Variants in ZBTB40 observed in about 807,000 individuals in gnomAD.
ZBTB40 encodes the protein zinc finger and BTB domain containing 40.
In ZBTB40, 60 loss-of-function variants were observed where a neutral mutation model predicts 117.5. The observed-to-expected ratio is 0.51, with a 90% CI of 0.41 to 0.63. The LOEUF is 0.63. Among genes scored for constraint, ZBTB40 ranks in the 30% least tolerant of loss-of-function variants. The pLI, the probability that ZBTB40 is intolerant of heterozygous loss-of-function variation, is 0.00. For missense variants in ZBTB40, 1,287 were observed against 1,498.5 expected, an observed-to-expected ratio of 0.86 and a Z score of 2.33; for synonymous variants, 525 against 577.1, an observed-to-expected ratio of 0.91 and a Z score of 1.29.
intron 1 of ZBTB40, among the ~76,000 whole-genome samples, chr1:22,454,255 G>A (rs1004506426): frequency 3.3e-5 from 5 of 152,058 alleles, no homozygotes; most frequent in Non-Finnish European, 5.9e-5. Context: ...GCCCGGCCTC[G>A]AACAAATATT....
At chr1:22,517,646 A>G in intron 13 of ZBTB40, 182 bp downstream of exon 13, 3 of 717,818 alleles carry the variant, frequency 4.2e-6, no homozygotes, top group Admixed American at 6.0e-5. Flanking sequence ...ATTTTAAGGT[A>G]TCTCATATAA....
In ZBTB40 at chr1:22,490,162, G is replaced by A. The variant is rs1480979349; in HGVS notation, c.214G>A (p.Ala72Thr). The A allele has an allele frequency of 1.2e-6, 2 of 1,614,180 alleles. No individual in the cohort carries two copies. The highest frequency in any genetic ancestry group is 1.7e-6 in the Non-Finnish European group (2 of 1,180,028). ...DASVVSPEEF[A>T]LLLEMMYTGK... ...ATCTGTGGTGAGCCCCGAGGAGTTTGCGCTCTTGTTGGAAATGATGTACAC... is the reference window on the plus strand; with the variant it reads ...ATCTGTGGTGAGCCCCGAGGAGTTTACGCTCTTGTTGGAAATGATGTACAC... Residue 72 changes from alanine to threonine, a missense_variant, in exon 2 of 18, where the codon GCG becomes ACG. Around this residue, in one of 2 missense-constraint regions of ZBTB40, gnomAD observed 870 missense variants for 934.4 expected, o/e 0.93. Coordinates refer to ENST00000375647, the MANE Select transcript of ZBTB40 (RefSeq NM_014870.4).
At chr1:22,465,126 C>T (rs1416819282) in intron 1 of ZBTB40, among the ~76,000 whole-genome samples, 1 of 152,186 alleles carries the variant, frequency 6.6e-6, no homozygotes, top group African/African-American at 2.4e-5. Flanking sequence ...TAGTTCCCCT[C>T]TGTAGGCAGG....
At chr1:22,459,084 C>G (rs1426687282) in intron 1 of ZBTB40, among the ~76,000 whole-genome samples, 1 of 152,018 alleles carries the variant, frequency 6.6e-6, no homozygotes, top group Non-Finnish European at 1.5e-5. Context: ...TTTGTTGTTT[C>G]TTTTTATGAG....
intron 3 of ZBTB40, among the ~76,000 whole-genome samples, chr1:22,492,912 T>C (rs1332215052): frequency 6.6e-6 from 1 of 152,242 alleles, no homozygotes; most frequent in Non-Finnish European, 1.5e-5. Context: ...GTTTGTTACC[T>C]TGATAGCTTC....
intron 12 of ZBTB40, among the ~76,000 whole-genome samples, chr1:22,516,006 G>A (rs1202565915): frequency 6.6e-6 from 1 of 152,132 alleles, no homozygotes; most frequent in Non-Finnish European, 1.5e-5. Context: ...TGTAAAGAAC[G>A]TTCAAGTTTT....
At chr1:22,480,836 A>G (rs1638284635) in intron 1 of ZBTB40, among the ~76,000 whole-genome samples, 1 of 152,190 alleles carries the variant, frequency 6.6e-6, no homozygotes, top group Admixed American at 6.5e-5. Context: ...GGCCTAGATA[A>G]TAAGCAACTT....
In ZBTB40 at chr1:22,527,093, G is replaced by A. The variant is rs969506649; in HGVS notation, c.*697G>A. ...GGAGTTTCTGCTGGAAGTGTTTAAT[G>A]TGAGGCATCAGCTGCTAGACAGTGT... On this transcript the variant is annotated 3_prime_UTR_variant, in exon 18 of 18. Transcript: ENST00000375647. The A allele has an allele frequency of 1.9e-5, 3 of 154,618 alleles. No homozygotes were observed. Among genetic ancestry groups the A allele is most frequent in the African/African-American group, 7.2e-5 (3 of 41,462 alleles). 9.6% of individuals were successfully genotyped at this position (154,618 alleles called of 1,614,324 possible). A position where few individuals can be genotyped will look rare whatever the true frequency, so the allele number is the denominator to read the frequency against.
Position 22,524,444 on chromosome 1 carries a change from G to A in ZBTB40, c.3525G>A (p.Gln1175=). 1 of 1,612,980 alleles carries A rather than the reference G, an allele frequency of 6.2e-7. No homozygotes were observed. ...AGGCCGCAGCCTCACAGATGGCGCAGGTGATTCTGGGGCCATCAGCTACAT... is the reference window on the plus strand; with the variant it reads ...AGGCCGCAGCCTCACAGATGGCGCAAGTGATTCTGGGGCCATCAGCTACAT... ...ETQAAASQMA[Q]VIQTPEPVAP... The change falls in exon 17 of 18, where the codon CAG becomes CAA. Residue 1175 remains glutamine (Q), a splice_region_variant and synonymous_variant. Coordinates refer to ENST00000375647, the MANE Select transcript of ZBTB40 (RefSeq NM_014870.4).
chr1:22,495,686 AT>A (rs1355674863), intron 3 of ZBTB40, among the ~76,000 whole-genome samples: 1 of 151,890 alleles, frequency 6.6e-6, no homozygotes, highest in Non-Finnish European at 1.5e-5. Flanking sequence ...TAATTTTTGT[AT>A]TTTTAGTAGA....
rs1639805381 is a variant in ZBTB40 at position 22,530,656 on chromosome 1, C to G, written c.*4260C>G. The G allele has an allele frequency of 6.6e-6, 1 of 152,276 alleles. No individual in the cohort carries two copies. The highest frequency in any genetic ancestry group is 2.4e-5 in the African/African-American group (1 of 41,408). The allele number at this position is 152,276 out of a possible 1,614,324, so 9.4% of individuals were successfully genotyped here. A position where few individuals can be genotyped will look rare whatever the true frequency, so the allele number is the denominator to read the frequency against. ...AAACCATATTCTTGTTCAGCTTGCACTAATCTATATAAATAAAATATGTAC... is the reference window on the plus strand; with the variant it reads ...AAACCATATTCTTGTTCAGCTTGCAGTAATCTATATAAATAAAATATGTAC... On this transcript the variant is annotated 3_prime_UTR_variant, in exon 18 of 18. Transcript: ENST00000375647.
intron 1 of ZBTB40, among the ~76,000 whole-genome samples, chr1:22,466,858 AGT>A: frequency 6.6e-6 from 1 of 152,004 alleles, no homozygotes; most frequent in South Asian, 2.1e-4. Flanking sequence ...CATTCTGTGC[AGT>A]GTCTCTTTAC....
Position 22,529,484 on chromosome 1 carries a change from C to T in ZBTB40, c.*3088C>T, listed in dbSNP as rs1232458507. The T allele has an allele frequency of 1.3e-5, 2 of 152,352 alleles. No individual in the cohort carries two copies. Among genetic ancestry groups the T allele is most frequent in the Non-Finnish European group, 2.9e-5 (2 of 68,076 alleles). The allele number at this position is 152,352 out of a possible 1,614,324, so 9.4% of individuals were successfully genotyped here. A position where few individuals can be genotyped will look rare whatever the true frequency, so the allele number is the denominator to read the frequency against. On this transcript the variant is annotated 3_prime_UTR_variant, in exon 18 of 18. Coordinates refer to ENST00000375647, the MANE Select transcript of ZBTB40 (RefSeq NM_014870.4). ...GGGAATACTGGGGTCAGTTATGGAA[C>T]AGGACTTGCCCATCATAGGTAAGTG...
chr1:22,462,783 T>C (rs1641161253), intron 1 of ZBTB40, among the ~76,000 whole-genome samples: 2 of 152,214 alleles, frequency 1.3e-5, no homozygotes, highest in East Asian at 3.8e-4. Flanking sequence ...CTCCCCACTT[T>C]CTCTCTTTCC....
chr1:22,507,832 G>A (rs1393741807), intron 6 of ZBTB40, among the ~76,000 whole-genome samples, 169 bp from the exon 7 acceptor site: 1 of 152,248 alleles, frequency 6.6e-6, no homozygotes, highest in East Asian at 1.9e-4. Flanking sequence ...ATTAAGTGTA[G>A]GCAGAGGAGC....
chr1:22,481,532 A>G (rs972433409), intron 1 of ZBTB40, among the ~76,000 whole-genome samples: 2 of 152,104 alleles, frequency 1.3e-5, no homozygotes, highest in African/African-American at 2.4e-5. Flanking sequence ...AGTTGTTCAC[A>G]AAAACATTAA....
intron 1 of ZBTB40, among the ~76,000 whole-genome samples, chr1:22,442,640 G>A (rs1640746578): frequency 6.6e-6 from 1 of 152,206 alleles, no homozygotes; most frequent in Non-Finnish European, 1.5e-5. Context: ...AGGGCTGTAA[G>A]CAAGTCTGGT....
At chr1:22,480,052 A>AC (rs74856706) in intron 1 of ZBTB40, among the ~76,000 whole-genome samples, 11 of 151,204 alleles carry the variant, frequency 7.3e-5, no homozygotes, top group African/African-American at 9.7e-5. Flanking sequence ...GATTACAGGC[A>AC]CCCCCCCACC....
At position 22,490,582 on chromosome 1, in the gene ZBTB40, G is replaced by T. The variant is rs750171637; in HGVS notation, c.634G>T (p.Ala212Ser). 1.9e-6 allele frequency: 3 copies of T among 1,613,976 alleles called. No individual in the cohort carries two copies. The African/African-American group carries it at 4.0e-5, about 22-fold the overall frequency. The change falls in exon 2 of 18, where the codon GCT becomes TCT. Residue 212 changes from alanine to serine, a missense_variant. This residue lies in a region of ZBTB40 where 870 missense variants were observed against 934.4 expected (regional missense o/e 0.93). Coordinates refer to ENST00000375647, the MANE Select transcript of ZBTB40 (RefSeq NM_014870.4). ...TPAETPTTAE[A>S]CSPSPAVQTF... ...AGCGGAGACTCCTACTACAGCTGAA[G>T]CTTGTTCCCCCTCCCCTGCTGTGCA...
Sources: gnomAD v4.1 joint callset for allele counts (sites outside exome capture counted in the v4.1 genomes callset) on GRCh38, gnomAD v4.1.1 for gene constraint, gnomAD v4.1.1 regional missense constraint, MANE v1.5 for transcripts, NCBI Gene and HGNC (gene_info 2026-07-23, HGNC 2026-07-21) for gene names.